Variants in RNLS observed in about 807,000 individuals in gnomAD.
RNLS encodes renalase, FAD dependent amine oxidase.
A neutral mutation model predicts 39.8 loss-of-function variants in RNLS; 39 were observed. That is an observed-to-expected ratio of 0.98 (90% confidence interval 0.76 to 1.28). The LOEUF (loss-of-function observed/expected upper bound fraction) is 1.28. RNLS is among the 50% of genes most tolerant of loss of function. The pLI is 0.00. For missense variants in RNLS, 410 were observed against 413.3 expected (o/e 0.99, Z 0.07); for synonymous variants, 147 against 150.7 (o/e 0.98, Z 0.18).
intron 4 of RNLS, among the ~76,000 whole-genome samples, chr10:88,466,322 C>T (rs892423396): frequency 1.3e-5 from 2 of 152,064 alleles, no homozygotes; most frequent in African/African-American, 2.4e-5. Flanking sequence ...ATAGCTCACA[C>T]CTGCAATCCC....
chr10:88,241,491 A>G, the RNLS span, among the ~76,000 whole-genome samples: 2 of 152,238 alleles, frequency 1.3e-5, no homozygotes, highest in Non-Finnish European at 1.5e-5. Context: ...TTTTGTTTCA[A>G]TGTCCCTTTT....
the RNLS span, among the ~76,000 whole-genome samples, chr10:88,245,895 C>T: frequency 1.3e-5 from 2 of 152,176 alleles, no homozygotes; most frequent in African/African-American, 4.8e-5. Flanking sequence ...CATCCTGATG[C>T]TTTTTCTTTC....
Position 88,573,040 on chromosome 10 carries a change from T to C in RNLS, c.389A>G (p.His130Arg). 6.2e-7 allele frequency: 1 copy of C among 1,613,928 alleles called. No homozygotes were observed. Among genetic ancestry groups the C allele is most frequent in the Non-Finnish European group, 8.5e-7 (1 of 1,179,826 alleles). ...TCTTAGGTTGATCTGTGTCACACGATGTCTGAAGTAGACTTCTGCACCTGT... is the reference window on the plus strand; with the variant it reads ...TCTTAGGTTGATCTGTGTCACACGACGTCTGAAGTAGACTTCTGCACCTGT... ...KESGAEVYFR[H>R]RVTQINLRDD... Residue 130 changes from histidine to arginine, a missense_variant, in exon 4 of 7, where the codon CAT becomes CGT. By Grantham distance (29) the His-to-Arg change is conservative. Transcript: ENST00000331772.
At chr10:88,491,919 A>G (rs1844902620) in intron 4 of RNLS, among the ~76,000 whole-genome samples, 1 of 151,936 alleles carries the variant, frequency 6.6e-6, no homozygotes, top group African/African-American at 2.4e-5. Flanking sequence ...ATTAGTTCTC[A>G]TAATATGTTA....
chr10:88,173,798 A>G, the RNLS span, among the ~76,000 whole-genome samples: 3 of 151,908 alleles, frequency 2.0e-5, no homozygotes, highest in Non-Finnish European at 4.4e-5. Flanking sequence ...TCTTTTTTTA[A>G]AAAAAAATTA....
At chr10:88,204,249 G>T in the RNLS span, among the ~76,000 whole-genome samples, 80 of 152,178 alleles carry the variant, frequency 5.3e-4, 1 homozygote, top group South Asian at 4.4e-3. Context: ...TTTCTGAAAG[G>T]CTTAGAACCC....
chr10:88,270,816 C>A (rs555998619), downstream of RNLS, among the ~76,000 whole-genome samples: 14 of 152,070 alleles, frequency 9.2e-5, no homozygotes, highest in Non-Finnish European at 2.1e-4. Flanking sequence ...ATGGAAAATA[C>A]CTTTTCTGGG....
At chr10:88,446,071 A>C (rs1324361321) in intron 4 of RNLS, among the ~76,000 whole-genome samples, 7 of 152,150 alleles carry the variant, frequency 4.6e-5, no homozygotes, top group African/African-American at 1.7e-4. Context: ...GAAGTAAAGC[A>C]CTCCTCAGCA....
intron 4 of RNLS, among the ~76,000 whole-genome samples, chr10:88,476,461 A>T (rs2133998784): frequency 6.6e-6 from 1 of 152,284 alleles, no homozygotes; most frequent in South Asian, 2.1e-4. Context: ...TCCATGCTGT[A>T]TACCCTTTAA....
At chr10:88,322,822 T>C (rs139698527) in intron 5 of RNLS, among the ~76,000 whole-genome samples, 1 of 152,118 alleles carries the variant, frequency 6.6e-6, no homozygotes, top group East Asian at 1.9e-4. Context: ...GTAATACAAA[T>C]AGGAAAAGAA....
At chr10:88,392,262 G>T (rs1852252797) in intron 4 of RNLS, among the ~76,000 whole-genome samples, 1 of 152,216 alleles carries the variant, frequency 6.6e-6, no homozygotes, top group African/African-American at 2.4e-5. Context: ...TCCACAGGAT[G>T]ATTTGAAAAG....
chr10:88,481,654 C>A (rs562698261), intron 4 of RNLS, among the ~76,000 whole-genome samples: 2 of 151,944 alleles, frequency 1.3e-5, no homozygotes, highest in African/African-American at 4.8e-5. Context: ...GTAAACTTAA[C>A]GATAATATAC....
chr10:88,341,952 T>C (rs956397702), intron 5 of RNLS, among the ~76,000 whole-genome samples: 3 of 152,178 alleles, frequency 2.0e-5, no homozygotes, highest in African/African-American at 7.2e-5. Context: ...CACCACATAT[T>C]CTAGGTGCTC....
chr10:88,532,182 T>G (rs751292330), intron 4 of RNLS, among the ~76,000 whole-genome samples: 2 of 152,120 alleles, frequency 1.3e-5, no homozygotes, highest in Non-Finnish European at 2.9e-5. Context: ...ATAATCTAAT[T>G]TGTATCTTTA....
At chr10:88,376,549 G>A (rs1723955582) in intron 4 of RNLS, among the ~76,000 whole-genome samples, 2 of 152,138 alleles carry the variant, frequency 1.3e-5, no homozygotes, top group South Asian at 2.1e-4. Context: ...AAAAGATAAT[G>A]TTGTGGGGAA....
chr10:88,338,953 G>C (rs984202046), intron 5 of RNLS, among the ~76,000 whole-genome samples: 13 of 152,078 alleles, frequency 8.5e-5, no homozygotes, highest in African/African-American at 3.1e-4. Flanking sequence ...AGTGGAGACG[G>C]GGTTTCACCG....
chr10:88,245,861 G>GT, the RNLS span, among the ~76,000 whole-genome samples: 1 of 152,130 alleles, frequency 6.6e-6, no homozygotes. Context: ...TGGAAATCAC[G>GT]TAACAGGCAA....
At position 88,276,475 on chromosome 10, in the gene RNLS, T is replaced by C. The variant is rs1056535564; in HGVS notation, c.877-1443A>G. ...GAAATTATAGTAATATACGGTAGAATCACATTTGATTTTTTTCTAAAACTA... is the reference window on the plus strand; with the variant it reads ...GAAATTATAGTAATATACGGTAGAACCACATTTGATTTTTTTCTAAAACTA... On this transcript the variant is annotated intron_variant, in intron 6 of 6. Coordinates refer to the RNLS transcript ENST00000371947. 2.6e-5 allele frequency among the ~76,000 whole-genome samples: 4 copies of C among 152,196 alleles called. No individual in the cohort carries two copies. In the South Asian group the frequency reaches 8.3e-4, roughly 31 times the overall value.
In RNLS at chr10:88,345,596, A is replaced by G. The variant is rs535244712; in HGVS notation, c.700+16956T>C. Among the ~76,000 whole-genome samples, 4 of 152,302 alleles carry G rather than the reference A, an allele frequency of 2.6e-5. 1 individual carries two copies. The highest frequency in any genetic ancestry group is 1.3e-4 in the Admixed American group (2 of 15,288). On this transcript the variant is annotated intron_variant, in intron 5 of 6. Transcript: ENST00000331772. ...TATAACTAATGGACCAAAACCATAA[A>G]ATAATTTGTATGTGACAACAATTAT... is the stretch of plus-strand genomic sequence containing the variant.
Sources: allele counts gnomAD v4.1 joint callset (sites outside exome capture counted in the v4.1 genomes callset), GRCh38; gene constraint gnomAD v4.1.1; transcripts MANE v1.5; gene names NCBI Gene and HGNC (gene_info 2026-07-23, HGNC 2026-07-21).